Variants in MRTFB observed in about 807,000 individuals in gnomAD.
MRTFB encodes myocardin-related transcription factor B.
A neutral mutation model predicts 104.2 loss-of-function variants in MRTFB; 29 were observed. The observed-to-expected ratio is 0.28, with a 90% confidence interval of 0.21 to 0.38. The LOEUF is 0.38. Among genes scored for constraint, MRTFB ranks in the 10% least tolerant of loss-of-function variants. MRTFB has a pLI of 1.00. For missense variants in MRTFB, 1,270 were observed against 1,341.6 expected (o/e 0.95, Z 0.83); for synonymous variants, 535 against 519.5 (o/e 1.03, Z -0.41).
intron 3 of MRTFB, chr16:14,195,662 C>G: frequency 1.6e-6 from 1 of 641,502 alleles, no homozygotes. Context: ...GCCCACCTTA[C>G]GCATTTGTAT....
chr16:14,000,760 T>TC, the MRTFB span, among the ~76,000 whole-genome samples: 1 of 152,154 alleles, frequency 6.6e-6, no homozygotes, highest in Non-Finnish European at 1.5e-5. Context: ...TTGTCCCCCT[T>TC]CCCATCACAC....
intron 2 of MRTFB, among the ~76,000 whole-genome samples, chr16:14,115,510 G>T (rs2036497939): frequency 6.6e-6 from 1 of 152,166 alleles, no homozygotes; most frequent in African/African-American, 2.4e-5. Context: ...AGTTTATTCA[G>T]CACCTTGTAC....
the MRTFB span, chr16:14,019,520 T>C: frequency 6.6e-6 from 1 of 152,142 alleles, no homozygotes; most frequent in Non-Finnish European, 1.5e-5. Flanking sequence ...TCTATCAAGT[T>C]TTTTTTCATA....
At chr16:14,214,052 C>G (rs1215355548) in intron 6 of MRTFB, among the ~76,000 whole-genome samples, 4 of 152,132 alleles carry the variant, frequency 2.6e-5, no homozygotes, top group Non-Finnish European at 5.9e-5. Context: ...TGCCACTTAC[C>G]CACAACAAGC....
chr16:14,027,237 G>T, the MRTFB span, among the ~76,000 whole-genome samples: 2 of 152,098 alleles, frequency 1.3e-5, no homozygotes, highest in Admixed American at 1.3e-4. Flanking sequence ...CAATTTGAGT[G>T]AACCTCAAGG....
chr16:14,192,765 A>T (rs1180695521), intron 3 of MRTFB, among the ~76,000 whole-genome samples: 2 of 152,190 alleles, frequency 1.3e-5, no homozygotes, highest in Non-Finnish European at 2.9e-5. Flanking sequence ...CTGTGCTGCC[A>T]TCTGCCTCCC....
At chr16:14,248,801 C>G in intron 12 of MRTFB, 125 bp from the exon 13 acceptor site, 2 of 970,054 alleles carry the variant, frequency 2.1e-6, no homozygotes, top group East Asian at 5.4e-5. Flanking sequence ...AAGTGTGTAT[C>G]TGTAACCTTG....
At chr16:14,023,610 C>CACACACATACAT in the MRTFB span, among the ~76,000 whole-genome samples, 4 of 106,912 alleles carry the variant, frequency 3.7e-5, no homozygotes, top group African/African-American at 1.5e-4. Flanking sequence ...CACACACACA[C>CACACACATACAT]ATACATATAC....
chr16:14,200,248 A>G (rs2040623764), intron 3 of MRTFB: 48 of 1,407,212 alleles, frequency 3.4e-5, no homozygotes, highest in South Asian at 2.8e-4. Flanking sequence ...TAATACATCC[A>G]TATGTTAGAT....
At chr16:14,243,699 A>C (rs1027433711) in intron 10 of MRTFB, among the ~76,000 whole-genome samples, 6 of 152,166 alleles carry the variant, frequency 3.9e-5, no homozygotes, top group African/African-American at 1.4e-4. Flanking sequence ...ACTTACACAC[A>C]GAAAAGTACG....
At chr16:14,027,824 A>G in the MRTFB span, among the ~76,000 whole-genome samples, 3 of 152,236 alleles carry the variant, frequency 2.0e-5, no homozygotes, top group African/African-American at 7.2e-5. Context: ...GACCAGCCCT[A>G]TCTTATTTGC....
chr16:14,213,430 G>A (rs569459648), intron 5 of MRTFB, 115 bp from the exon 6 acceptor site: 74 of 630,602 alleles, frequency 1.2e-4, no homozygotes, highest in African/African-American at 8.2e-4. Context: ...TCTACTCTTC[G>A]TCTCAAACAC....
chr16:14,189,721 G>C (rs2040092358), intron 3 of MRTFB, among the ~76,000 whole-genome samples: 1 of 152,172 alleles, frequency 6.6e-6, no homozygotes, highest in African/African-American at 2.4e-5. Flanking sequence ...ATGAAGGAGG[G>C]ATAAATTTGG....
At chr16:14,134,659 A>G (rs2037616251) in intron 2 of MRTFB, among the ~76,000 whole-genome samples, 1 of 152,220 alleles carries the variant, frequency 6.6e-6, no homozygotes, top group Non-Finnish European at 1.5e-5. Context: ...CATGTTAAGG[A>G]TTTGGACAAA....
intron 3 of MRTFB, chr16:14,151,147 T>C (rs559761411): frequency 5.3e-5 from 8 of 152,304 alleles, no homozygotes; most frequent in African/African-American, 1.9e-4. Context: ...CTACAGTTGA[T>C]TTATGTTGAT....
At position 14,177,933 on chromosome 16, in the gene MRTFB, TGTGC is replaced by T. The variant is rs200407494; in HGVS notation, c.155-32309_155-32306del. 1.3e-5 allele frequency among the ~76,000 whole-genome samples: 2 copies of T among 151,710 alleles called. No homozygotes were observed. Among genetic ancestry groups the T allele is most frequent in the African/African-American group, 4.9e-5 (2 of 41,190 alleles). The stretch of plus-strand genomic sequence containing the variant: ...GTGTGTGTGTGTGTGTGTGTGTGTG[TGTGC>T]ACGCATTGGTGGGTGTTTAGAGTTA... On this transcript the variant is annotated intron_variant, in intron 3 of 16. Coordinates refer to ENST00000571589, the MANE Select transcript of MRTFB (RefSeq NM_001308142.2). The surrounding 1 kb of genome is among the most constrained non-coding windows in gnomAD (Gnocchi z 4.7).
intron 1 of MRTFB, among the ~76,000 whole-genome samples, chr16:14,072,932 T>A (rs1401733642): frequency 6.6e-6 from 1 of 152,206 alleles, no homozygotes; most frequent in East Asian, 1.9e-4. Flanking sequence ...TCCTAACAAT[T>A]ACCATTGGTA....
the MRTFB span, among the ~76,000 whole-genome samples, chr16:14,010,126 A>C: frequency 6.6e-6 from 1 of 152,168 alleles, no homozygotes; most frequent in Non-Finnish European, 1.5e-5. Context: ...TTGAGCTTAG[A>C]TTAGAAGCTG....
At chr16:14,100,043 C>T (rs549019477) in intron 2 of MRTFB, among the ~76,000 whole-genome samples, 16 of 152,238 alleles carry the variant, frequency 1.1e-4, no homozygotes, top group South Asian at 4.1e-4. Flanking sequence ...TATTTTTAAA[C>T]GAAGACAGTT....
Sources: gnomAD v4.1 joint callset for allele counts (sites outside exome capture counted in the v4.1 genomes callset) on GRCh38, gnomAD v4.1.1 for gene constraint, Gnocchi (gnomAD v3.1) non-coding constraint, MANE v1.5 for transcripts, NCBI Gene and HGNC (gene_info 2026-07-23, HGNC 2026-07-21) for gene names.